Variants in CDIN1 observed in about 807,000 individuals in gnomAD.
CDIN1 encodes CDAN1 interacting nuclease 1.
A neutral mutation model predicts 45.3 loss-of-function variants in CDIN1; 33 were observed. That is an observed-to-expected ratio of 0.73 (90% CI 0.55 to 0.97). The LOEUF (loss-of-function observed/expected upper bound fraction) is 0.97. Ranked by LOEUF, CDIN1 falls within the 50% of genes least tolerant of loss-of-function variation. CDIN1 has a pLI of 0.00. For synonymous variants in CDIN1, 118 were observed against 124.4 expected (o/e 0.95, Z 0.34); for missense variants, 303 against 339.4 (o/e 0.89, Z 0.84).
intron 8 of CDIN1, chr15:36,704,882 T>C (rs1776042404): frequency 1.3e-5 from 2 of 152,164 alleles, no homozygotes; most frequent in Admixed American, 1.3e-4. Flanking sequence ...CAAAACAAAT[T>C]TAAAGCCCTC....
intron 5 of CDIN1, among the ~76,000 whole-genome samples, chr15:36,668,757 G>T (rs2041341359): frequency 6.6e-6 from 1 of 152,000 alleles, no homozygotes; most frequent in Admixed American, 6.6e-5. Flanking sequence ...TGTCGAGTTG[G>T]AGTCCCAGTT....
intron 1 of CDIN1, among the ~76,000 whole-genome samples, chr15:36,632,548 A>T (rs1161922752): frequency 2.0e-5 from 3 of 152,034 alleles, no homozygotes; most frequent in African/African-American, 7.3e-5. Context: ...CTTTGTTTAT[A>T]GTACAGTTCC....
At chr15:36,795,922 C>G (rs1296505822) in intron 10 of CDIN1, among the ~76,000 whole-genome samples, 1 of 152,132 alleles carries the variant, frequency 6.6e-6, no homozygotes, top group Admixed American at 6.6e-5. Flanking sequence ...TTCCTGCTCT[C>G]TAGCTCAAAG....
intron 10 of CDIN1, among the ~76,000 whole-genome samples, chr15:36,718,401 C>T (rs570269745): frequency 5.7e-4 from 87 of 152,116 alleles, no homozygotes; most frequent in African/African-American, 1.6e-3. Context: ...AAGCCTGCTG[C>T]GATTTAGATT....
chr15:36,707,712 A>G (rs1223629219), intron 8 of CDIN1: 1 of 152,132 alleles, frequency 6.6e-6, no homozygotes, highest in Non-Finnish European at 1.5e-5. Flanking sequence ...CAATGTCACC[A>G]TTGCTTTTAA....
chr15:36,776,319 A>G (rs546993188), intron 10 of CDIN1, among the ~76,000 whole-genome samples: 25 of 152,344 alleles, frequency 1.6e-4, no homozygotes, highest in African/African-American at 6.0e-4. Context: ...TGATAGAATC[A>G]TGGTATGGGG....
At chr15:36,639,908 TG>T (rs2040040727) in intron 1 of CDIN1, among the ~76,000 whole-genome samples, 1 of 152,186 alleles carries the variant, frequency 6.6e-6, no homozygotes, top group African/African-American at 2.4e-5. Context: ...TAATCATTTA[TG>T]GGGATATTTG....
intron 10 of CDIN1, among the ~76,000 whole-genome samples, chr15:36,800,979 T>C (rs566838444): frequency 3.0e-5 from 4 of 134,800 alleles, no homozygotes; most frequent in East Asian, 4.6e-4. Flanking sequence ...AGAAGGAGTT[T>C]ATTTCCCTAT....
chr15:36,580,862 C>T (rs930129805), intron 1 of CDIN1, among the ~76,000 whole-genome samples: 58 of 152,208 alleles, frequency 3.8e-4, no homozygotes, highest in African/African-American at 1.2e-3. Flanking sequence ...AGAGCTTCCC[C>T]ATCCTTGACG....
chr15:36,674,286 C>T (rs1262685803), intron 5 of CDIN1, among the ~76,000 whole-genome samples: 5 of 152,040 alleles, frequency 3.3e-5, no homozygotes, highest in East Asian at 3.9e-4. Context: ...TTTATTAGCG[C>T]GGGGGTCTCC....
chr15:36,609,313 G>A (rs1331497236), intron 1 of CDIN1, among the ~76,000 whole-genome samples: 1 of 152,176 alleles, frequency 6.6e-6, no homozygotes, highest in Admixed American at 6.5e-5. Context: ...ACCGCACCTG[G>A]CCTATTATAT....
intron 1 of CDIN1, among the ~76,000 whole-genome samples, chr15:36,616,125 G>T (rs1213441002): frequency 2.6e-5 from 4 of 152,162 alleles, no homozygotes; most frequent in African/African-American, 4.8e-5. Context: ...TTAACCACCA[G>T]GCTGAAGGCA....
At chr15:36,613,641 A>G in intron 1 of CDIN1, 2 of 1,430,210 alleles carry the variant, frequency 1.4e-6, no homozygotes, top group South Asian at 2.3e-5. Context: ...CGTAGGATCA[A>G]GCTGGTTGAA....
At chr15:36,807,425 C>G (rs2055266313) in intron 10 of CDIN1, among the ~76,000 whole-genome samples, 1 of 152,062 alleles carries the variant, frequency 6.6e-6, no homozygotes, top group Non-Finnish European at 1.5e-5. Context: ...ATTAAGTGCC[C>G]TCGGTAGGAA....
chr15:36,784,480 A>T (rs761836928), intron 10 of CDIN1, among the ~76,000 whole-genome samples: 19 of 152,250 alleles, frequency 1.2e-4, no homozygotes, highest in Non-Finnish European at 2.4e-4. Context: ...TTTAGACAAT[A>T]TAAAAGTTTA....
chr15:36,601,375 A>G (rs957819598), intron 1 of CDIN1, among the ~76,000 whole-genome samples: 1 of 152,188 alleles, frequency 6.6e-6, no homozygotes, highest in Non-Finnish European at 1.5e-5. Context: ...TGTAGCTTAC[A>G]TGATTCAGAT....
intron 3 of CDIN1, among the ~76,000 whole-genome samples, chr15:36,652,085 A>G (rs916000496): frequency 8.5e-5 from 13 of 152,174 alleles, no homozygotes; most frequent in African/African-American, 3.1e-4. Flanking sequence ...CCTTCTTTTC[A>G]TGCTGATCTC....
intron 8 of CDIN1, among the ~76,000 whole-genome samples, chr15:36,701,165 GA>G (rs1405770005): frequency 2.7e-5 from 4 of 148,002 alleles, no homozygotes; most frequent in Admixed American, 6.7e-5. Flanking sequence ...TAGATAGATA[GA>G]TAGATAGATA....
intron 5 of CDIN1, chr15:36,668,195 A>G (rs576139095): frequency 6.6e-6 from 1 of 152,272 alleles, no homozygotes; most frequent in East Asian, 1.9e-4. Context: ...GCCTAGATAC[A>G]TCCATAAATA....
Sources: gnomAD v4.1 joint callset for allele counts (sites outside exome capture counted in the v4.1 genomes callset) on GRCh38, gnomAD v4.1.1 for gene constraint, MANE v1.5 for transcripts, NCBI Gene and HGNC (gene_info 2026-07-23, HGNC 2026-07-21) for gene names.